SEMA6D: variants seen among roughly 807,000 people sequenced by gnomAD.
SEMA6D encodes the protein semaphorin-6D.
SEMA6D carries 35 observed loss-of-function variants against 106.6 expected under a neutral mutation model. The ratio of observed to expected loss-of-function variants is 0.33; its 90% confidence interval spans 0.25 to 0.44. SEMA6D has a LOEUF of 0.44. Among genes scored for constraint, SEMA6D ranks in the 20% least tolerant of loss-of-function variants. SEMA6D has a pLI of 1.00. For synonymous variants in SEMA6D, 499 were observed against 487.7 expected (o/e 1.02, Z -0.31); for missense variants, 1,185 against 1,345.9 (o/e 0.88, Z 1.87).
intron 2 of SEMA6D, among the ~76,000 whole-genome samples, chr15:47,418,171 G>C (rs2041038846): frequency 6.6e-6 from 1 of 152,074 alleles, no homozygotes; most frequent in African/African-American, 2.4e-5. Flanking sequence ...AAGGAAGTGA[G>C]ACAGCAAGCC....
intron 1 of SEMA6D, among the ~76,000 whole-genome samples, chr15:47,222,273 T>C (rs1651142891): frequency 6.6e-6 from 1 of 152,196 alleles, no homozygotes; most frequent in Non-Finnish European, 1.5e-5. Flanking sequence ...GAGCAAGCAG[T>C]CATGGAGCTA....
intron 18 of SEMA6D, among the ~76,000 whole-genome samples, chr15:47,769,153 CA>C (rs1421938168): frequency 6.6e-6 from 1 of 152,094 alleles, no homozygotes; most frequent in African/African-American, 2.4e-5. Flanking sequence ...AGCTTCAATT[CA>C]AAATGCAATC....
intron 3 of SEMA6D, among the ~76,000 whole-genome samples, chr15:47,537,706 A>G (rs548246560): frequency 2.6e-5 from 4 of 152,118 alleles, no homozygotes; most frequent in Admixed American, 2.0e-4. Flanking sequence ...CAGAGGACCA[A>G]TCATGAAGCT....
chr15:47,649,501 GTGT>G, intron 4 of SEMA6D, among the ~76,000 whole-genome samples: 1 of 152,316 alleles, frequency 6.6e-6, no homozygotes, highest in African/African-American at 2.4e-5. Context: ...ACATAGCCAG[GTGT>G]TGTGGCATGT....
At chr15:47,733,980 C>T (rs1001180562) in intron 1 of SEMA6D, among the ~76,000 whole-genome samples, 3 of 152,126 alleles carry the variant, frequency 2.0e-5, no homozygotes, top group African/African-American at 7.2e-5. Context: ...TTCTTGAGCC[C>T]ATCAGAGCAC....
At chr15:47,318,438 C>T (rs554474318) in intron 1 of SEMA6D, among the ~76,000 whole-genome samples, 12 of 126,788 alleles carry the variant, frequency 9.5e-5, no homozygotes, top group African/African-American at 3.5e-4. Context: ...CCACAACAGT[C>T]CCCAGAGTGT....
At chr15:47,282,340 C>A (rs1384896398) in intron 1 of SEMA6D, among the ~76,000 whole-genome samples, 2 of 152,082 alleles carry the variant, frequency 1.3e-5, no homozygotes, top group Non-Finnish European at 2.9e-5. Flanking sequence ...GTGTCGGCTT[C>A]TTTTGCTCAA....
intron 2 of SEMA6D, among the ~76,000 whole-genome samples, chr15:47,434,939 CACAT>C (rs1479839597): frequency 6.6e-6 from 1 of 152,116 alleles, no homozygotes; most frequent in East Asian, 1.9e-4. Context: ...AACACACACT[CACAT>C]ACACACACAT....
In SEMA6D at chr15:47,378,541, A is replaced by C. The variant is rs531421695; in HGVS notation, c.-238-33852A>C. Among the ~76,000 whole-genome samples the C allele has an allele frequency of 1.2e-4, 18 of 152,276 alleles. No homozygotes were observed. In the South Asian group the frequency reaches 3.7e-3, roughly 32 times the overall value. On this transcript the variant is annotated intron_variant, in intron 1 of 19. Transcript: ENST00000558014. Reference sequence around the variant, plus strand: ...TTCCCCTGGGTATTCTCTGTGCCTCAAACTTGATGACCACTTCAAAGACAA... The same window carrying C: ...TTCCCCTGGGTATTCTCTGTGCCTCCAACTTGATGACCACTTCAAAGACAA...
chr15:47,711,461 C>T (rs1036057455), intron 4 of SEMA6D, among the ~76,000 whole-genome samples: 5 of 152,150 alleles, frequency 3.3e-5, no homozygotes, highest in African/African-American at 9.7e-5. Flanking sequence ...AACTAAGTTT[C>T]TCTTGAGCCT....
At chr15:47,197,908 G>A (rs978988048) in intron 1 of SEMA6D, among the ~76,000 whole-genome samples, 25 of 151,592 alleles carry the variant, frequency 1.6e-4, no homozygotes, top group African/African-American at 6.1e-4. Flanking sequence ...TGTCATATTT[G>A]TAAACTAATA....
intron 1 of SEMA6D, among the ~76,000 whole-genome samples, chr15:47,304,452 A>T (rs2036151996): frequency 1.8e-5 from 1 of 55,960 alleles, no homozygotes; most frequent in Admixed American, 2.4e-4. Context: ...AAAAAAAAAA[A>T]AAAAAAAAAA....
chr15:47,760,902 T>C, intron 3 of SEMA6D, 76 bp from the exon 4 acceptor site: 3 of 1,301,354 alleles, frequency 2.3e-6, no homozygotes, highest in Non-Finnish European at 3.2e-6. Context: ...AAGGCAGATC[T>C]GTAAAAATAA....
intron 4 of SEMA6D, among the ~76,000 whole-genome samples, chr15:47,626,175 C>T (rs538656847): frequency 7.9e-5 from 12 of 152,258 alleles, no homozygotes; most frequent in African/African-American, 2.9e-4. Flanking sequence ...GCATTGCTCA[C>T]CTAAGAGTTG....
At chr15:47,637,514 C>G (rs2077410707) in intron 4 of SEMA6D, among the ~76,000 whole-genome samples, 1 of 152,092 alleles carries the variant, frequency 6.6e-6, no homozygotes, top group Non-Finnish European at 1.5e-5. Context: ...GGGCTTTCCT[C>G]AATGCTCAGG....
At chr15:47,579,093 CTG>C (rs1458900101) in intron 3 of SEMA6D, among the ~76,000 whole-genome samples, 2 of 151,556 alleles carry the variant, frequency 1.3e-5, no homozygotes, top group East Asian at 3.9e-4. Context: ...GGCCTCACCT[CTG>C]AAAGTTACAC....
At chr15:47,258,949 T>C (rs890224025) in intron 1 of SEMA6D, among the ~76,000 whole-genome samples, 3 of 152,258 alleles carry the variant, frequency 2.0e-5, no homozygotes, top group African/African-American at 7.2e-5. Context: ...TTTTTAAGAA[T>C]TTCATCTTTA....
intron 1 of SEMA6D, among the ~76,000 whole-genome samples, chr15:47,249,511 G>C (rs1048049621): frequency 1.3e-5 from 2 of 151,002 alleles, no homozygotes; most frequent in Non-Finnish European, 3.0e-5. Flanking sequence ...CATGCTCCAA[G>C]AAGTTAAGGG....
chr15:47,556,623 G>A (rs542513980), intron 3 of SEMA6D, among the ~76,000 whole-genome samples: 10 of 152,160 alleles, frequency 6.6e-5, no homozygotes, highest in Admixed American at 4.6e-4. Context: ...CTACAGAAGT[G>A]TGTGCCATCC....
Sources: gnomAD v4.1 joint callset for allele counts (sites outside exome capture counted in the v4.1 genomes callset) on GRCh38, gnomAD v4.1.1 for gene constraint, MANE v1.5 for transcripts, NCBI Gene and HGNC (gene_info 2026-07-23, HGNC 2026-07-21) for gene names.